Variants in IFI16 observed in about 807,000 individuals in gnomAD.
IFI16 encodes interferon gamma inducible protein 16.
A neutral mutation model predicts 68.4 loss-of-function variants in IFI16; 49 were observed. The ratio of observed to expected loss-of-function variants is 0.72; its 90% CI spans 0.57 to 0.91. The LOEUF is 0.91. Ranked by LOEUF, IFI16 falls within the 40% of genes least tolerant of loss-of-function variation. IFI16 has a pLI of 0.00. For missense variants in IFI16, 878 were observed against 942.9 expected (o/e 0.93, Z 0.90); for synonymous variants, 307 against 315.0 (o/e 0.97, Z 0.27).
At chr1:159,024,277 G>C (rs1349753883) in intron 6 of IFI16, among the ~76,000 whole-genome samples, 1 of 152,174 alleles carries the variant, frequency 6.6e-6, no homozygotes, top group Non-Finnish European at 1.5e-5. Flanking sequence ...GGCTACTGAA[G>C]AAGGGGAAGA....
chr1:159,011,130 C>T (rs1225467130), intron 1 of IFI16, among the ~76,000 whole-genome samples: 1 of 147,708 alleles, frequency 6.8e-6, no homozygotes, highest in Non-Finnish European at 1.5e-5. Context: ...GCCTGTAATC[C>T]CAGTACTTTG....
chr1:159,023,039 AGG>A (rs1463084926), intron 6 of IFI16, among the ~76,000 whole-genome samples: 1 of 152,242 alleles, frequency 6.6e-6, no homozygotes, highest in African/African-American at 2.4e-5. Context: ...AAAATTTCAA[AGG>A]CAGGGAATAA....
At chr1:159,019,612 T>C (rs1054414965) in intron 5 of IFI16, among the ~76,000 whole-genome samples, 1 of 152,162 alleles carries the variant, frequency 6.6e-6, no homozygotes, top group African/African-American at 2.4e-5. Context: ...GCGTGTGCCA[T>C]CACGCCTGGC....
intron 8 of IFI16, among the ~76,000 whole-genome samples, 198 bp downstream of exon 8, chr1:159,045,662 G>A (rs2570920): frequency 2.0e-5 from 3 of 151,190 alleles, no homozygotes; most frequent in South Asian, 4.2e-4. Context: ...CTATTCCATA[G>A]CAGGTATAAT....
At chr1:159,010,452 C>T (rs1652478737) in intron 1 of IFI16, among the ~76,000 whole-genome samples, 1 of 152,128 alleles carries the variant, frequency 6.6e-6, no homozygotes, top group Admixed American at 6.5e-5. Context: ...TAAGTTGGTA[C>T]TTAGAAGAGG....
In IFI16 at chr1:159,045,406, G is replaced by A. The variant is rs200732327; in HGVS notation, c.1439G>A (p.Ser480Asn). Residue 480 changes from serine (S) to asparagine (N), a missense_variant, in exon 8 of 12, where the codon AGC (serine) becomes AAC (asparagine). By Grantham distance (46) the Ser-to-Asn change is conservative. Around this residue, in one of 4 missense-constraint regions of IFI16, gnomAD observed 59 missense variants for 119.0 expected, o/e 0.50. Coordinates refer to ENST00000295809, the MANE Select transcript of IFI16 (RefSeq NM_001376587.1). ...ATGACCAGCATAGGCCCAGCTGAGA[G>A]CCATCCCCACACTCCTCAGATGCCT... is the stretch of plus-strand genomic sequence containing the variant. ...PFMTSIGPAE[S>N]HPHTPQMPPS... is the part of the protein sequence containing the mutation. The A allele has an allele frequency of 1.7e-4, 266 of 1,589,116 alleles. 6 individuals are homozygous for A. Among genetic ancestry groups the A allele is most frequent in the Non-Finnish European group, 2.1e-4 (249 of 1,165,862 alleles).
At chr1:159,006,298 A>T (rs1024361237), upstream of IFI16, among the ~76,000 whole-genome samples, 1 of 152,208 alleles carries the variant, frequency 6.6e-6, no homozygotes, top group African/African-American at 2.4e-5. Flanking sequence ...GGGGACTCAA[A>T]TGCAATAATT....
upstream of IFI16, among the ~76,000 whole-genome samples, chr1:159,005,396 C>A (rs978494733): frequency 6.6e-6 from 1 of 152,180 alleles, no homozygotes; most frequent in Admixed American, 6.5e-5. Flanking sequence ...ATGATGCCAA[C>A]TCTGGCCTTG....
chr1:159,034,345 T>A (rs980919525), intron 7 of IFI16, among the ~76,000 whole-genome samples: 1 of 152,208 alleles, frequency 6.6e-6, no homozygotes, highest in African/African-American at 2.4e-5. Flanking sequence ...CTTTTGATAT[T>A]TACAAGGTAT....
chr1:159,018,221 A>T lies in IFI16; in HGVS notation c.550-8A>T, dbSNP rs749877148. On this transcript the variant is annotated splice_polypyrimidine_tract_variant and splice_region_variant and intron_variant, in intron 4 of 11. Coordinates refer to ENST00000295809, the MANE Select transcript of IFI16 (RefSeq NM_001376587.1). ...TTTTTCTTTGTTCTCCTGTGCTATC[A>T]TACACAGAACCCGAAAACAGTGGCC... is the stretch of plus-strand genomic sequence containing the variant. 1.1e-4 allele frequency: 178 copies of T among 1,611,458 alleles called. No individual in the cohort carries two copies. The South Asian group carries it at 1.8e-3, about 16-fold the overall frequency.
intron 1 of IFI16, among the ~76,000 whole-genome samples, chr1:159,000,636 G>T (rs991033091): frequency 6.6e-5 from 10 of 152,248 alleles, no homozygotes; most frequent in African/African-American, 2.4e-4. Flanking sequence ...TATTTCACAT[G>T]TGCAATTTAA....
At chr1:159,047,758 C>T (rs912810426) in intron 8 of IFI16, among the ~76,000 whole-genome samples, 2 of 147,542 alleles carry the variant, frequency 1.4e-5, no homozygotes, top group Admixed American at 1.4e-4. Flanking sequence ...CACAGCTTCT[C>T]CCAAGTAGTT....
chr1:159,002,221 A>C (rs1652085529), upstream of IFI16, among the ~76,000 whole-genome samples: 1 of 152,180 alleles, frequency 6.6e-6, no homozygotes, highest in Non-Finnish European at 1.5e-5. Context: ...ATATTACTGA[A>C]TTCAAGTCTT....
chr1:159,023,644 G>A (rs1342070238), intron 6 of IFI16, among the ~76,000 whole-genome samples: 1 of 151,526 alleles, frequency 6.6e-6, no homozygotes, highest in Non-Finnish European at 1.5e-5. Context: ...TTTTAGGTTG[G>A]TGAAATGCCA....
At chr1:159,012,649 T>G (rs958634242) in intron 1 of IFI16, among the ~76,000 whole-genome samples, 9 of 152,218 alleles carry the variant, frequency 5.9e-5, no homozygotes, top group African/African-American at 2.2e-4. Flanking sequence ...AGAAGGGTGC[T>G]GCCTGCGTCA....
In IFI16 at chr1:159,014,652, C is replaced by G; in HGVS notation, c.-20-9C>G. 6.4e-7 allele frequency: 1 copy of G among 1,551,898 alleles called. No homozygotes were observed. Among genetic ancestry groups the G allele is most frequent in the Non-Finnish European group, 8.7e-7 (1 of 1,146,552 alleles). ...TGTGTAACACTGTATATACCATTTTCTCTTGTAGGCTCACTTATGTCTGTA... is the reference window on the plus strand; with the variant it reads ...TGTGTAACACTGTATATACCATTTTGTCTTGTAGGCTCACTTATGTCTGTA... On this transcript the variant is annotated splice_polypyrimidine_tract_variant and intron_variant, in intron 1 of 11. Transcript: ENST00000295809.
At chr1:159,040,918 C>T (rs956971527) in intron 7 of IFI16, among the ~76,000 whole-genome samples, 1 of 152,160 alleles carries the variant, frequency 6.6e-6, no homozygotes, top group African/African-American at 2.4e-5. Context: ...TTTAAATTGT[C>T]TCCAGTATAT....
In IFI16 at chr1:159,044,401, G is replaced by A. The variant is rs552834992; in HGVS notation, c.1330-896G>A. Reference sequence around the variant, plus strand: ...TTTGAAAATACAGTGTTTTGTTTGGGGTTTATTTCCATAGTCCAGGTGCTC... The same window carrying A: ...TTTGAAAATACAGTGTTTTGTTTGGAGTTTATTTCCATAGTCCAGGTGCTC... On this transcript the variant is annotated intron_variant, in intron 7 of 11. Transcript: ENST00000295809. Among the ~76,000 whole-genome samples, 10 of 152,152 alleles carry A rather than the reference G, an allele frequency of 6.6e-5. No homozygotes were observed. The South Asian group carries it at 2.1e-3, about 32-fold the overall frequency.
upstream of IFI16, among the ~76,000 whole-genome samples, chr1:159,005,600 A>G (rs955822513): frequency 6.6e-6 from 1 of 152,228 alleles, no homozygotes; most frequent in South Asian, 2.1e-4. Context: ...GGAAAAGTAG[A>G]ATACAAAACT....
Sources: allele counts gnomAD v4.1 joint callset (sites outside exome capture counted in the v4.1 genomes callset), GRCh38; gene constraint gnomAD v4.1.1; regional missense constraint gnomAD v4.1.1; transcripts MANE v1.5; gene names NCBI Gene and HGNC (gene_info 2026-07-23, HGNC 2026-07-21).